The following NCKAP5 variants were observed in gnomAD, a reference collection of about 807,000 sequenced individuals.
NCKAP5 encodes nck-associated protein 5.
Under a neutral mutation model 167.0 loss-of-function variants are expected in NCKAP5, and 92 were observed. That is an observed-to-expected ratio of 0.55 (90% confidence interval 0.47 to 0.66). The LOEUF is 0.66. Ranked by LOEUF, NCKAP5 falls within the 30% of genes least tolerant of loss-of-function variation. NCKAP5 has a pLI of 0.00. For missense variants in NCKAP5, 2,378 were observed against 2,315.0 expected (o/e 1.03, Z -0.56); for synonymous variants, 891 against 877.4 (o/e 1.02, Z -0.27).
chr2:133,285,911 C>T (rs1442290457), intron 4 of NCKAP5, among the ~76,000 whole-genome samples: 4 of 152,054 alleles, frequency 2.6e-5, no homozygotes, highest in Non-Finnish European at 4.4e-5. Flanking sequence ...AACTCACGTC[C>T]TTCCTTTTGA....
intron 4 of NCKAP5, among the ~76,000 whole-genome samples, chr2:133,266,003 C>G (rs556459312): frequency 3.3e-4 from 50 of 152,306 alleles, no homozygotes; most frequent in African/African-American, 1.1e-3. Flanking sequence ...CCTTTACGCC[C>G]CCACCCTTTA....
chr2:132,846,652 A>C (rs1688686592), intron 11 of NCKAP5, among the ~76,000 whole-genome samples: 1 of 152,020 alleles, frequency 6.6e-6, no homozygotes, highest in African/African-American at 2.4e-5. Context: ...CCATCCCTCC[A>C]TCCATTATCC....
At chr2:133,122,037 T>C (rs563064708) in intron 6 of NCKAP5, 1 of 152,080 alleles carries the variant, frequency 6.6e-6, no homozygotes, top group Non-Finnish European at 1.5e-5. Flanking sequence ...GGCAAAACTA[T>C]AAGGAGAGAA....
At chr2:132,922,930 G>A (rs923071268) in intron 8 of NCKAP5, among the ~76,000 whole-genome samples, 1 of 152,194 alleles carries the variant, frequency 6.6e-6, no homozygotes, top group Admixed American at 6.5e-5. Context: ...TTTCAGGAGT[G>A]GGGGCTGGAG....
chr2:132,731,271 C>T (rs979754328), intron 17 of NCKAP5, among the ~76,000 whole-genome samples: 5 of 152,134 alleles, frequency 3.3e-5, no homozygotes, highest in South Asian at 2.1e-4. Flanking sequence ...AATCGGTGCA[C>T]GATCTACTGC....
chr2:132,969,162 C>G (rs1040378329), intron 7 of NCKAP5, among the ~76,000 whole-genome samples: 8 of 152,084 alleles, frequency 5.3e-5, no homozygotes, highest in Non-Finnish European at 8.8e-5. Context: ...CTCAGCCTCC[C>G]GAGTAGCTGG....
intron 6 of NCKAP5, among the ~76,000 whole-genome samples, chr2:133,064,672 G>A (rs970376526): frequency 4.6e-5 from 7 of 152,086 alleles, no homozygotes; most frequent in Non-Finnish European, 8.8e-5. Context: ...ACTGTCCATC[G>A]TTGCTCTGGG....
chr2:133,399,267 A>T (rs1435173642), intron 3 of NCKAP5, among the ~76,000 whole-genome samples: 6 of 152,114 alleles, frequency 3.9e-5, no homozygotes, highest in Non-Finnish European at 7.4e-5. Context: ...TGGGACAGGA[A>T]GAGGGGTGGA....
chr2:133,653,720 A>C, the NCKAP5 span, among the ~76,000 whole-genome samples: 6 of 152,208 alleles, frequency 3.9e-5, no homozygotes, highest in Non-Finnish European at 1.5e-5. Context: ...CAGATCCTAG[A>C]GTTCTGTAAG....
intron 11 of NCKAP5, among the ~76,000 whole-genome samples, chr2:132,805,660 C>CAAA (rs61461970): frequency 1.4e-5 from 2 of 142,108 alleles, no homozygotes; most frequent in African/African-American, 5.1e-5. Flanking sequence ...TAAAACTATG[C>CAAA]AAAAAAAAAA....
chr2:133,504,871 T>G (rs940031853), intron 3 of NCKAP5, among the ~76,000 whole-genome samples: 20 of 152,146 alleles, frequency 1.3e-4, no homozygotes, highest in African/African-American at 4.6e-4. Context: ...TTTCCCCCTA[T>G]CGGAGCAAAG....
chr2:133,126,806 C>G (rs998319270), intron 6 of NCKAP5, among the ~76,000 whole-genome samples: 10 of 152,012 alleles, frequency 6.6e-5, no homozygotes, highest in Non-Finnish European at 1.3e-4. Flanking sequence ...AAATTACATG[C>G]TCATACTCAG....
At chr2:133,249,822 G>C (rs568697806) in intron 4 of NCKAP5, among the ~76,000 whole-genome samples, 1 of 152,140 alleles carries the variant, frequency 6.6e-6, no homozygotes, top group East Asian at 1.9e-4. Context: ...GTTTGGGAAG[G>C]GCCCTAACCT....
intron 11 of NCKAP5, among the ~76,000 whole-genome samples, chr2:132,810,508 A>C (rs1020085344): frequency 1.3e-5 from 2 of 152,048 alleles, no homozygotes; most frequent in Non-Finnish European, 2.9e-5. Context: ...GATTGGGTTA[A>C]TTTGAAGACA....
intron 3 of NCKAP5, among the ~76,000 whole-genome samples, chr2:133,327,951 A>C (rs1682565197): frequency 6.6e-6 from 1 of 152,042 alleles, no homozygotes; most frequent in Admixed American, 6.5e-5. Flanking sequence ...GCATCCTACA[A>C]TGCCCAGGAT....
chr2:133,363,453 T>C (rs945408285), intron 3 of NCKAP5, among the ~76,000 whole-genome samples: 1 of 152,214 alleles, frequency 6.6e-6, no homozygotes, highest in East Asian at 1.9e-4. Flanking sequence ...AAAAAGAGTT[T>C]GTCAATTCCC....
At chr2:133,125,056 A>ATC (rs1553543303) in intron 6 of NCKAP5, among the ~76,000 whole-genome samples, 5 of 151,962 alleles carry the variant, frequency 3.3e-5, no homozygotes, top group African/African-American at 9.7e-5. Flanking sequence ...CAATAATAAT[A>ATC]ATCATCATCA....
At chr2:133,469,241 A>G (rs921040722) in intron 3 of NCKAP5, among the ~76,000 whole-genome samples, 15 of 152,134 alleles carry the variant, frequency 9.9e-5, no homozygotes, top group African/African-American at 3.4e-4. Flanking sequence ...GCTTGTCTGT[A>G]AAGTATTTTA....
At chr2:132,698,730 A>T (rs547767094) in intron 19 of NCKAP5, among the ~76,000 whole-genome samples, 1 of 152,278 alleles carries the variant, frequency 6.6e-6, no homozygotes. Context: ...ACTACTCAGG[A>T]GGCTGAGGCA....
Sources: allele counts gnomAD v4.1 joint callset (sites outside exome capture counted in the v4.1 genomes callset), GRCh38; gene constraint gnomAD v4.1.1; transcripts MANE v1.5; gene names NCBI Gene and HGNC (gene_info 2026-07-23, HGNC 2026-07-21).